Variants in PDE1C observed in about 807,000 individuals in gnomAD.
The protein encoded by PDE1C is phosphodiesterase 1C, also known as dual specificity calcium/calmodulin-dependent 3',5'-cyclic nucleotide phosphodiesterase 1C.
A neutral mutation model predicts 93.1 loss-of-function variants in PDE1C; 62 were observed. The ratio of observed to expected loss-of-function variants is 0.67; its 90% CI spans 0.54 to 0.82. The LOEUF is 0.82. Ranked by LOEUF, PDE1C falls within the 40% of genes least tolerant of loss-of-function variation. PDE1C has a pLI of 0.00. For missense variants in PDE1C, 742 were observed against 884.6 expected, an observed-to-expected ratio of 0.84 and a Z score of 2.04; for synonymous variants, 325 against 310.1, an observed-to-expected ratio of 1.05 and a Z score of -0.50.
At chr7:32,355,208 C>T (rs1784008395) in intron 1 of PDE1C, among the ~76,000 whole-genome samples, 3 of 152,210 alleles carry the variant, frequency 2.0e-5, no homozygotes, top group South Asian at 4.1e-4. Context: ...TCAATCTCCG[C>T]GAACATGAAA....
intron 2 of PDE1C, among the ~76,000 whole-genome samples, chr7:31,899,139 T>TTTTTC: frequency 7.4e-6 from 1 of 134,924 alleles, no homozygotes; most frequent in Admixed American, 7.3e-5. Context: ...CCACTTTTTT[T>TTTTTC]TTTTTTTTTT....
At chr7:31,715,799 A>G in the PDE1C span, among the ~76,000 whole-genome samples, 1 of 152,144 alleles carries the variant, frequency 6.6e-6, no homozygotes, top group African/African-American at 2.4e-5. Flanking sequence ...AAATACCTTA[A>G]CAAGCTGAGG....
rs866598411 is a variant in PDE1C, at chr7:32,183,639, C to T, written c.137-13683G>A. Among the ~76,000 whole-genome samples, 5 of 152,112 alleles carry T rather than the reference C, an allele frequency of 3.3e-5. No homozygotes were observed. In the South Asian group the frequency reaches 1.0e-3, roughly 32 times the overall value. ...CTGGATCCCTTCCTTACACCTTATA[C>T]AAAAATTAATTCAAGATGGATTAAA... On this transcript the variant is annotated intron_variant, in intron 2 of 18. Transcript: ENST00000396193.
intron 2 of PDE1C, among the ~76,000 whole-genome samples, chr7:31,899,521 G>A (rs568190181): frequency 1.2e-4 from 18 of 152,168 alleles, no homozygotes; most frequent in African/African-American, 4.1e-4. Flanking sequence ...TGTAAGCCCC[G>A]GGAGATCCCA....
chr7:32,142,801 G>A (rs1012412236), intron 3 of PDE1C, among the ~76,000 whole-genome samples: 1 of 152,146 alleles, frequency 6.6e-6, no homozygotes, highest in African/African-American at 2.4e-5. Context: ...ATAAGATGGT[G>A]GATGAGTAAG....
At chr7:31,699,882 G>A in the PDE1C span, among the ~76,000 whole-genome samples, 197 of 151,968 alleles carry the variant, frequency 1.3e-3, 1 homozygote, top group African/African-American at 4.5e-3. Context: ...CACAGACCTC[G>A]CCCATATAAG....
At chr7:32,179,462 T>C (rs13230375) in intron 2 of PDE1C, among the ~76,000 whole-genome samples, 11,453 of 152,056 alleles carry the variant, frequency 0.075, 667 homozygotes, top group East Asian at 0.33. Context: ...CGTTTCACCA[T>C]GTTGGCCAGG....
chr7:32,399,539 C>G (rs1278678736), intron 1 of PDE1C, among the ~76,000 whole-genome samples: 1 of 150,230 alleles, frequency 6.7e-6, no homozygotes, highest in Non-Finnish European at 1.5e-5. Context: ...TATAAGGCCA[C>G]AGTCTTATTG....
At chr7:31,890,529 T>C (rs1348156525) in intron 2 of PDE1C, among the ~76,000 whole-genome samples, 1 of 152,196 alleles carries the variant, frequency 6.6e-6, no homozygotes, top group African/African-American at 2.4e-5. Flanking sequence ...TGCTTTCCTT[T>C]TCTGAATTTA....
intron 2 of PDE1C, among the ~76,000 whole-genome samples, chr7:31,900,506 TTAACAG>T (rs1299393500): frequency 1.3e-5 from 2 of 151,694 alleles, no homozygotes; most frequent in Non-Finnish European, 2.9e-5. Flanking sequence ...ATCTTTTATA[TTAACAG>T]TAAGTTAAAA....
chr7:32,007,171 T>A (rs760590412), intron 2 of PDE1C, among the ~76,000 whole-genome samples: 1 of 152,190 alleles, frequency 6.6e-6, no homozygotes, highest in South Asian at 2.1e-4. Flanking sequence ...CCCAAATAGA[T>A]CTTAAAGACA....
intron 2 of PDE1C, among the ~76,000 whole-genome samples, chr7:31,888,372 C>G (rs1393967936): frequency 1.3e-5 from 2 of 149,808 alleles, no homozygotes; most frequent in Non-Finnish European, 1.5e-5. Context: ...AAAAAATAAG[C>G]ACAAAACCAA....
intron 1 of PDE1C, among the ~76,000 whole-genome samples, chr7:32,365,156 A>G (rs1416835065): frequency 6.6e-6 from 1 of 152,166 alleles, no homozygotes; most frequent in Non-Finnish European, 1.5e-5. Context: ...GGGCTTGAGG[A>G]ACAGCTCCAT....
intron 2 of PDE1C, among the ~76,000 whole-genome samples, chr7:31,932,293 G>A (rs1171761099): frequency 6.6e-6 from 1 of 150,560 alleles, no homozygotes; most frequent in Non-Finnish European, 1.5e-5. Context: ...CTACAGAATG[G>A]GAGAAAATTT....
At chr7:32,257,142 A>G (rs7791914) in intron 1 of PDE1C, among the ~76,000 whole-genome samples, 17,814 of 152,228 alleles carry the variant, frequency 0.12, 1,193 homozygotes, top group African/African-American at 0.16. Context: ...TAGTGACTAG[A>G]CACCAGTGCA....
rs34543961 is a variant in PDE1C, at chr7:32,327,769, C to CA, written c.310+100052dup. Among the ~76,000 whole-genome samples, 634 of 104,752 alleles carry CA rather than the reference C, an allele frequency of 6.1e-3. 5 individuals carry two copies. Among genetic ancestry groups the CA allele is most frequent in the African/African-American group, 0.021 (597 of 28,298 alleles). 68.7% of individuals were successfully genotyped at this position (104,752 alleles called of 152,430 possible). A position where few individuals can be genotyped will look rare whatever the true frequency, so the allele number is the denominator to read the frequency against. On this transcript the variant is annotated intron_variant, in intron 1 of 1. Coordinates refer to the PDE1C transcript ENST00000672256. ...TGGGCAACAGCGCTAGACTCTGTCT[C>CA]AAAAAAAAAAAAAAAAAAAAAGAGA...
chr7:31,990,982 G>A (rs1784076913), intron 2 of PDE1C, among the ~76,000 whole-genome samples: 1 of 152,080 alleles, frequency 6.6e-6, no homozygotes, highest in Non-Finnish European at 1.5e-5. Context: ...AGCAAATAAG[G>A]TTTCTAGCTC....
At chr7:32,389,202 T>TTTTGTTTGTTTG (rs3079686) in intron 1 of PDE1C, among the ~76,000 whole-genome samples, 33 of 136,146 alleles carry the variant, frequency 2.4e-4, no homozygotes, top group African/African-American at 5.0e-4. Flanking sequence ...TTTTTTTGGT[T>TTTTGTTTGTTTG]TTTGTTTGTT....
chr7:32,061,828 A>G (rs1182361463), intron 1 of PDE1C, among the ~76,000 whole-genome samples: 1 of 152,234 alleles, frequency 6.6e-6, no homozygotes, highest in East Asian at 1.9e-4. Context: ...AGTAAATGCC[A>G]ATGAGAAAAT....
Sources: gnomAD v4.1 joint callset for allele counts (sites outside exome capture counted in the v4.1 genomes callset) on GRCh38, gnomAD v4.1.1 for gene constraint, MANE v1.5 for transcripts, NCBI Gene and HGNC (gene_info 2026-07-23, HGNC 2026-07-21) for gene names.